Variants in SLC38A9 observed in about 807,000 individuals in gnomAD.
SLC38A9 encodes the protein neutral amino acid transporter 9.
Under a neutral mutation model 62.3 loss-of-function variants are expected in SLC38A9, and 48 were observed. The ratio of observed to expected loss-of-function variants is 0.77; its 90% CI spans 0.61 to 0.98. The LOEUF (loss-of-function observed/expected upper bound fraction) is 0.98, where lower values mean the gene tolerates loss of function less well. Ranked by LOEUF, SLC38A9 falls within the 50% of genes least tolerant of loss-of-function variation. The pLI is 0.00. For missense variants in SLC38A9, 541 were observed against 679.8 expected (o/e 0.80, Z 2.27); for synonymous variants, 204 against 227.7 (o/e 0.90, Z 0.94).
Position 55,697,859 on chromosome 5 carries a change from G to T in SLC38A9, c.100C>A (p.Leu34Ile). 1.3e-6 allele frequency: 2 copies of T among 1,579,148 alleles called. No homozygotes were observed. Among genetic ancestry groups the T allele is most frequent in the Non-Finnish European group, 1.7e-6 (2 of 1,162,520 alleles). The change falls in exon 3 of 16, where the codon CTA becomes ATA. Residue 34 changes from leucine to isoleucine, a missense_variant. Leu to Ile is a conservative substitution (Grantham distance 5). Coordinates refer to ENST00000396865, the MANE Select transcript of SLC38A9 (RefSeq NM_173514.4). ...PMNIQFEPSD[L>I]RSKRPFCIEP... ...TTAAATGCTTACCTTTTGGATCTTAGATCCGATGGCTCAAACTGGATATTC... is the reference window on the plus strand; with the variant it reads ...TTAAATGCTTACCTTTTGGATCTTATATCCGATGGCTCAAACTGGATATTC...
chr5:55,664,562 T>C, intron 8 of SLC38A9, 131 bp downstream of exon 8: 1 of 471,836 alleles, frequency 2.1e-6, no homozygotes, highest in Non-Finnish European at 3.5e-6. Flanking sequence ...ATAAAATATA[T>C]TTTCCAAAAT....
chr5:55,649,120 A>C (rs1322284645), intron 11 of SLC38A9, 87 bp downstream of exon 11: 6 of 656,268 alleles, frequency 9.1e-6, no homozygotes, highest in Non-Finnish European at 1.4e-5. Context: ...CTCAGCATAA[A>C]AAAAAAATCA....
At chr5:55,674,162 G>A (rs1239020698) in intron 3 of SLC38A9, among the ~76,000 whole-genome samples, 1 of 152,160 alleles carries the variant, frequency 6.6e-6, no homozygotes, top group African/African-American at 2.4e-5. Flanking sequence ...CAGAATCTTT[G>A]AATCTTTTAC....
intron 11 of SLC38A9, 145 bp from the exon 12 acceptor site, chr5:55,646,040 G>T: frequency 1.6e-6 from 1 of 613,020 alleles, no homozygotes; most frequent in East Asian, 2.8e-5. Context: ...GTTCCTCGAG[G>T]CCAGCATTAT....
intron 3 of SLC38A9, among the ~76,000 whole-genome samples, chr5:55,686,218 G>A (rs1753798683): frequency 6.6e-6 from 1 of 152,054 alleles, no homozygotes; most frequent in African/African-American, 2.4e-5. Flanking sequence ...TTCCATAATG[G>A]CTCAACTAAT....
chr5:55,672,489 A>G, intron 4 of SLC38A9, 74 bp downstream of exon 4: 1 of 1,515,506 alleles, frequency 6.6e-7, no homozygotes, highest in Non-Finnish European at 9.0e-7. Context: ...AATCACTGGG[A>G]GGTGCCCTGG....
intron 3 of SLC38A9, among the ~76,000 whole-genome samples, chr5:55,688,394 T>TTG (rs1413755268): frequency 1.3e-5 from 2 of 148,870 alleles, no homozygotes; most frequent in Non-Finnish European, 3.0e-5. Flanking sequence ...TTTTTTTTTT[T>TTG]TTTTTAAGAC....
chr5:55,658,655 T>G (rs1466942820), intron 8 of SLC38A9, among the ~76,000 whole-genome samples: 1 of 152,202 alleles, frequency 6.6e-6, no homozygotes, highest in Non-Finnish European at 1.5e-5. Flanking sequence ...CACCCTTTGA[T>G]TTCACATCTC....
chr5:55,671,505 CTT>C (rs1315953374), intron 4 of SLC38A9, among the ~76,000 whole-genome samples: 5 of 142,922 alleles, frequency 3.5e-5, no homozygotes, highest in African/African-American at 7.7e-5. Flanking sequence ...TCCCATTCTT[CTT>C]TTTTTTTTTT....
chr5:55,696,344 G>C (rs1580404192), intron 3 of SLC38A9: 1 of 54,952 alleles, frequency 1.8e-5, no homozygotes, highest in Non-Finnish European at 4.7e-5. Context: ...CCGGGCGGGG[G>C]GCTGACCCCC....
chr5:55,671,825 G>C (rs548764437), intron 4 of SLC38A9, among the ~76,000 whole-genome samples: 1 of 152,054 alleles, frequency 6.6e-6, no homozygotes, highest in Non-Finnish European at 1.5e-5. Flanking sequence ...TCCAGCCTGG[G>C]TGATAGAGCG....
chr5:55,633,730 G>C (rs1283751215), intron 14 of SLC38A9, 24 bp downstream of exon 14: 1 of 1,613,912 alleles, frequency 6.2e-7, no homozygotes, highest in Non-Finnish European at 8.5e-7. Flanking sequence ...GGCACATCCT[G>C]CTGGTCAAGA....
chr5:55,687,595 T>C (rs984320263), intron 3 of SLC38A9, among the ~76,000 whole-genome samples: 5 of 152,222 alleles, frequency 3.3e-5, no homozygotes, highest in Non-Finnish European at 7.3e-5. Flanking sequence ...CATTTGTCTG[T>C]GTCATCTCTG....
chr5:55,650,950 C>A (rs183317648), intron 10 of SLC38A9, among the ~76,000 whole-genome samples: 11 of 152,110 alleles, frequency 7.2e-5, no homozygotes, highest in African/African-American at 2.4e-4. Flanking sequence ...CGCCACCATG[C>A]CTGGCTAATT....
chr5:55,662,907 T>C (rs1749847737), intron 8 of SLC38A9, among the ~76,000 whole-genome samples: 1 of 151,522 alleles, frequency 6.6e-6, no homozygotes, highest in South Asian at 2.1e-4. Context: ...CTTTTTTTTT[T>C]TTTTCTGAGA....
chr5:55,675,475 A>T (rs1333525882), intron 3 of SLC38A9: 1 of 152,208 alleles, frequency 6.6e-6, no homozygotes, highest in African/African-American at 2.4e-5. Flanking sequence ...TTTAAATTGA[A>T]CTTTAGTTGG....
chr5:55,703,202 TAA>T (rs11312120), intron 2 of SLC38A9, among the ~76,000 whole-genome samples: 3 of 151,212 alleles, frequency 2.0e-5, no homozygotes, highest in East Asian at 1.9e-4. Flanking sequence ...TCAATAAAGT[TAA>T]AAAAAAAATC....
intron 2 of SLC38A9, among the ~76,000 whole-genome samples, chr5:55,702,547 C>T (rs1756803741): frequency 6.6e-6 from 1 of 152,062 alleles, no homozygotes; most frequent in Non-Finnish European, 1.5e-5. Context: ...GCATGAGCCA[C>T]CATGTCTGAC....
At chr5:55,706,071 G>A (rs11958779) in intron 2 of SLC38A9, among the ~76,000 whole-genome samples, 95,938 of 151,610 alleles carry the variant, frequency 0.63, 30,769 homozygotes, top group South Asian at 0.73. Context: ...CTGGGTATCC[G>A]GATTACACAT....
Sources: allele counts gnomAD v4.1 joint callset (sites outside exome capture counted in the v4.1 genomes callset), GRCh38; gene constraint gnomAD v4.1.1; transcripts MANE v1.5; gene names NCBI Gene and HGNC (gene_info 2026-07-23, HGNC 2026-07-21).